GTF2A1L: variants seen among roughly 807,000 people sequenced by gnomAD.
GTF2A1L encodes TFIIA-alpha and beta-like factor.
GTF2A1L carries 48 observed loss-of-function variants against 49.7 expected under a neutral mutation model. The ratio of observed to expected loss-of-function variants is 0.97; its 90% CI spans 0.77 to 1.23. The LOEUF (loss-of-function observed/expected upper bound fraction) is 1.23. Among genes scored for constraint, GTF2A1L ranks in the 50% most tolerant of loss-of-function variants. The pLI is 0.00. For synonymous variants in GTF2A1L, 246 were observed against 193.5 expected, an observed-to-expected ratio of 1.27 and a Z score of -2.25; for missense variants, 736 against 564.8, an observed-to-expected ratio of 1.30 and a Z score of -3.07.
chr2:48,652,161 GA>G (rs1043747180), intron 6 of GTF2A1L, among the ~76,000 whole-genome samples: 11 of 152,278 alleles, frequency 7.2e-5, no homozygotes, highest in Admixed American at 2.6e-4. Context: ...CTGATTGAAG[GA>G]AAATGGTATG....
At chr2:48,662,234 CAT>C (rs1205137188) in intron 6 of GTF2A1L, among the ~76,000 whole-genome samples, 1 of 152,166 alleles carries the variant, frequency 6.6e-6, no homozygotes, top group Non-Finnish European at 1.5e-5. Flanking sequence ...TACACATTAA[CAT>C]AGTTTTTTAA....
chr2:48,652,358 G>A (rs1302594503), intron 6 of GTF2A1L, among the ~76,000 whole-genome samples: 1 of 152,110 alleles, frequency 6.6e-6, no homozygotes, highest in Admixed American at 6.5e-5. Context: ...GCTGCTGCCT[G>A]TAATCCCAGC....
At chr2:48,653,920 C>CAAAAAAAAAAAAA (rs70946819) in intron 6 of GTF2A1L, among the ~76,000 whole-genome samples, 1 of 108,680 alleles carries the variant, frequency 9.2e-6, no homozygotes, top group East Asian at 2.5e-4. Context: ...GACTGTGTCT[C>CAAAAAAAAAAAAA]AAAAAAAAAA....
intron 3 of GTF2A1L, among the ~76,000 whole-genome samples, chr2:48,633,932 A>C (rs1389625984): frequency 6.6e-6 from 1 of 152,080 alleles, no homozygotes; most frequent in Non-Finnish European, 1.5e-5. Context: ...GTTTTGTCTT[A>C]TATAATAATA....
chr2:48,655,956 C>A (rs1029305443), intron 6 of GTF2A1L, among the ~76,000 whole-genome samples: 3 of 152,172 alleles, frequency 2.0e-5, no homozygotes, highest in Admixed American at 2.0e-4. Flanking sequence ...ACTTGCCCTT[C>A]TTCATTTAGC....
At chr2:48,632,213 T>C (rs1371044680) in intron 3 of GTF2A1L, 1 of 152,194 alleles carries the variant, frequency 6.6e-6, no homozygotes, top group African/African-American at 2.4e-5. Flanking sequence ...TAATTCCCTC[T>C]ATAGAAGTTA....
At chr2:48,677,090 G>C (rs1405222503) in intron 8 of GTF2A1L, among the ~76,000 whole-genome samples, 9 of 151,558 alleles carry the variant, frequency 5.9e-5, no homozygotes, top group African/African-American at 2.2e-4. Flanking sequence ...CTGTCCATAG[G>C]CCTATGCTAC....
At chr2:48,671,460 TC>T (rs1376938752) in intron 7 of GTF2A1L, 130 bp from the exon 8 acceptor site, 1 of 842,472 alleles carries the variant, frequency 1.2e-6, no homozygotes. Context: ...TGCCTAGGCC[TC>T]CCGTAGTGCT....
Position 48,671,795 on chromosome 2 carries a change from A to T in GTF2A1L, c.1329+115A>T, listed in dbSNP as rs557649885. On this transcript the variant is annotated intron_variant, in intron 8 of 8. Coordinates refer to ENST00000403751, the MANE Select transcript of GTF2A1L (RefSeq NM_006872.5). ...ACACTTCACAATTAATCAAAACAGC[A>T]GTTTAATTCTGGAAATTCTGAGTGT... 8.8e-6 allele frequency: 9 copies of T among 1,021,060 alleles called. No individual in the cohort carries two copies. In the African/African-American group the frequency reaches 1.1e-4, roughly 13 times the overall value. The allele number at this position is 1,021,060 out of a possible 1,614,324, so 63.3% of individuals were successfully genotyped here. A position where few individuals can be genotyped will look rare whatever the true frequency, so the allele number is the denominator to read the frequency against.
At chr2:48,670,819 G>GATTT (rs1679127277) in intron 7 of GTF2A1L, among the ~76,000 whole-genome samples, 1 of 151,820 alleles carries the variant, frequency 6.6e-6, no homozygotes, top group East Asian at 1.9e-4. Flanking sequence ...GGCCAAACGG[G>GATTT]ATTTATTTAT....
At chr2:48,652,810 T>G (rs961386909) in intron 6 of GTF2A1L, among the ~76,000 whole-genome samples, 2 of 150,560 alleles carry the variant, frequency 1.3e-5, no homozygotes, top group African/African-American at 4.9e-5. Context: ...TTCTTCTGCC[T>G]CAGCGTCTCA....
intron 8 of GTF2A1L, among the ~76,000 whole-genome samples, chr2:48,673,452 T>A (rs1312876484): frequency 7.1e-6 from 1 of 140,346 alleles, no homozygotes; most frequent in African/African-American, 2.6e-5. Flanking sequence ...AAGCTCCGCC[T>A]CCCGGGTTCA....
At chr2:48,638,951 C>G (rs548304565) in intron 3 of GTF2A1L, among the ~76,000 whole-genome samples, 23 of 150,788 alleles carry the variant, frequency 1.5e-4, no homozygotes, top group African/African-American at 5.6e-4. Context: ...AGAGGTAAAC[C>G]AGGATAACAA....
chr2:48,623,402 G>C (rs776717367), intron 3 of GTF2A1L, among the ~76,000 whole-genome samples: 5 of 152,114 alleles, frequency 3.3e-5, no homozygotes, highest in Non-Finnish European at 7.4e-5. Flanking sequence ...AGTCAGAATG[G>C]CTATTATTAA....
intron 5 of GTF2A1L, 113 bp from the exon 6 acceptor site, chr2:48,646,340 T>G: frequency 1.1e-6 from 1 of 903,530 alleles, no homozygotes; most frequent in Non-Finnish European, 1.6e-6. Flanking sequence ...CATTAACATA[T>G]TGGTGTATTT....
At chr2:48,631,793 A>G (rs1265666327) in intron 3 of GTF2A1L, among the ~76,000 whole-genome samples, 1 of 152,164 alleles carries the variant, frequency 6.6e-6, no homozygotes, top group Non-Finnish European at 1.5e-5. Context: ...GTAGGCATTT[A>G]GTACTATACA....
At chr2:48,623,327 T>C (rs1478288757) in intron 3 of GTF2A1L, among the ~76,000 whole-genome samples, 2 of 152,226 alleles carry the variant, frequency 1.3e-5, no homozygotes, top group African/African-American at 2.4e-5. Flanking sequence ...GTCATTTGCC[T>C]TTGTCTGTAC....
At chr2:48,620,812 A>AATAAATAC in intron 1 of GTF2A1L, 39 bp from the exon 2 acceptor site, 1 of 1,128,382 alleles carries the variant, frequency 8.9e-7, no homozygotes, top group East Asian at 3.8e-5. Flanking sequence ...TAAATAAATA[A>AATAAATAC]ATAAATAAAA....
intron 3 of GTF2A1L, among the ~76,000 whole-genome samples, chr2:48,635,870 C>T (rs891496344): frequency 6.6e-6 from 1 of 152,054 alleles, no homozygotes; most frequent in Admixed American, 6.5e-5. Context: ...TCCCTCACAG[C>T]GTCTCCAACC....
Sources: gnomAD v4.1 joint callset for allele counts (sites outside exome capture counted in the v4.1 genomes callset) on GRCh38, gnomAD v4.1.1 for gene constraint, MANE v1.5 for transcripts, NCBI Gene and HGNC (gene_info 2026-07-23, HGNC 2026-07-21) for gene names.